MOB3B: variants seen among roughly 807,000 people sequenced by gnomAD.
MOB3B encodes MOB kinase activator-like 2B.
Under a neutral mutation model 18.7 loss-of-function variants are expected in MOB3B, and 7 were observed. The ratio of observed to expected loss-of-function variants is 0.37; its 90% CI spans 0.21 to 0.70. The LOEUF (loss-of-function observed/expected upper bound fraction) is 0.70. MOB3B is among the 30% of genes least tolerant of loss of function. MOB3B has a pLI of 0.52. For synonymous variants in MOB3B, 111 were observed against 99.9 expected (o/e 1.11, Z -0.66); for missense variants, 253 against 281.3 (o/e 0.90, Z 0.72).
At chr9:27,504,025 ACCT>A (rs1820024817) in intron 1 of MOB3B, among the ~76,000 whole-genome samples, 1 of 152,152 alleles carries the variant, frequency 6.6e-6, no homozygotes, top group Admixed American at 6.5e-5. Context: ...TCCCTAATGA[ACCT>A]CCTACTTGCA....
chr9:27,440,438 T>C (rs1822575857), intron 2 of MOB3B, among the ~76,000 whole-genome samples: 1 of 152,110 alleles, frequency 6.6e-6, no homozygotes, highest in Non-Finnish European at 1.5e-5. Flanking sequence ...TGGCTGATGT[T>C]TGGTACTCTA....
intron 2 of MOB3B, 75 bp from the exon 3 acceptor site, chr9:27,359,311 A>G: frequency 7.9e-7 from 1 of 1,266,596 alleles, no homozygotes; most frequent in Non-Finnish European, 1.1e-6. Flanking sequence ...TAATATGAAA[A>G]CTGTCTGAGG....
At chr9:27,461,976 A>T (rs10812600) in intron 1 of MOB3B, among the ~76,000 whole-genome samples, 91,427 of 152,024 alleles carry the variant, frequency 0.6, 27,795 homozygotes, top group Middle Eastern at 0.65. Flanking sequence ...CAGAGTTTTA[A>T]AAAATGTTTT....
chr9:27,347,761 T>C (rs1372989453), intron 3 of MOB3B, among the ~76,000 whole-genome samples: 1 of 152,242 alleles, frequency 6.6e-6, no homozygotes, highest in African/African-American at 2.4e-5. Flanking sequence ...TACTGTACTG[T>C]TTCTACATTT....
Position 27,330,472 on chromosome 9 carries a change from C to A in MOB3B, c.*115G>T, listed in dbSNP as rs536030982. The A allele has an allele frequency of 7.9e-6, 11 of 1,394,614 alleles. No individual in the cohort carries two copies. In the South Asian group the frequency reaches 1.2e-4, roughly 15 times the overall value. 86.4% of individuals were successfully genotyped at this position (1,394,614 alleles called of 1,614,324 possible). A position where few individuals can be genotyped will look rare whatever the true frequency, so the allele number is the denominator to read the frequency against. On this transcript the variant is annotated 3_prime_UTR_variant, in exon 4 of 4. Coordinates refer to ENST00000262244, the MANE Select transcript of MOB3B (RefSeq NM_024761.5). The stretch of plus-strand genomic sequence containing the variant: ...TCTCAGGAGTCACTGCTTGCCTCCA[C>A]CTCTGCTGTTCCTGGGAGTAGGTGT...
chr9:27,520,529 C>T (rs1033815154), intron 1 of MOB3B, among the ~76,000 whole-genome samples: 5 of 152,156 alleles, frequency 3.3e-5, no homozygotes, highest in African/African-American at 1.2e-4. Flanking sequence ...ATACCTCTGG[C>T]TTTACAGAAC....
chr9:27,391,853 A>G (rs1214995266), intron 2 of MOB3B: 1 of 152,250 alleles, frequency 6.6e-6, no homozygotes, highest in Non-Finnish European at 1.5e-5. Context: ...TTTTGAGAGG[A>G]AGTGCTTAAA....
chr9:27,454,335 A>G lies in MOB3B; in HGVS notation c.418+798T>C, dbSNP rs1441098509. Among the ~76,000 whole-genome samples the G allele has an allele frequency of 2.0e-5, 3 of 152,344 alleles. No homozygotes were observed. In the East Asian group the frequency reaches 5.8e-4, roughly 29 times the overall value. ...TTCCACAAATATTTCCTGAGTGTCTACAAGGTGGCAGGGCATTATGTTAGG... is the reference window on the plus strand; with the variant it reads ...TTCCACAAATATTTCCTGAGTGTCTGCAAGGTGGCAGGGCATTATGTTAGG... On this transcript the variant is annotated intron_variant, in intron 2 of 3. Coordinates refer to ENST00000262244, the MANE Select transcript of MOB3B (RefSeq NM_024761.5).
chr9:27,474,570 G>T (rs1036518234), intron 1 of MOB3B, among the ~76,000 whole-genome samples: 12 of 152,176 alleles, frequency 7.9e-5, no homozygotes, highest in African/African-American at 2.9e-4. Flanking sequence ...TGTGCCTGCT[G>T]ATTAGAACCT....
At chr9:27,363,091 C>T (rs942257644) in intron 2 of MOB3B, among the ~76,000 whole-genome samples, 1 of 152,150 alleles carries the variant, frequency 6.6e-6, no homozygotes, top group Non-Finnish European at 1.5e-5. Context: ...TTCATGAAAA[C>T]TGATTGATTT....
chr9:27,423,759 A>C (rs561242123), intron 2 of MOB3B, among the ~76,000 whole-genome samples: 1 of 152,328 alleles, frequency 6.6e-6, no homozygotes, highest in East Asian at 1.9e-4. Context: ...CAGAACATAC[A>C]TATTTGTTTA....
intron 2 of MOB3B, among the ~76,000 whole-genome samples, chr9:27,403,516 A>ATTTTTTTTTTT (rs74178385): frequency 2.6e-4 from 21 of 79,624 alleles, no homozygotes; most frequent in Non-Finnish European, 4.0e-4. Flanking sequence ...CTCTTTACTA[A>ATTTTTTTTTTT]TTTTTTTTTT....
At chr9:27,366,501 G>C (rs1472596194) in intron 2 of MOB3B, among the ~76,000 whole-genome samples, 1 of 151,936 alleles carries the variant, frequency 6.6e-6, no homozygotes, top group Non-Finnish European at 1.5e-5. Context: ...TGCCTAAATG[G>C]CTTGTGTTAC....
rs79298827 is a variant in MOB3B, at chr9:27,528,914, C to T, written c.-199+641G>A. On this transcript the variant is annotated intron_variant, in intron 1 of 3. Transcript: ENST00000262244. Reference sequence around the variant, plus strand: ...ACTTGAAGGGTTTTCACCTTCTTCCCCAGTTCAGGGAAAGGGAGGGGCTGG... The same window carrying T: ...ACTTGAAGGGTTTTCACCTTCTTCCTCAGTTCAGGGAAAGGGAGGGGCTGG... Among the ~76,000 whole-genome samples, 542 of 152,264 alleles carry T rather than the reference C, an allele frequency of 3.6e-3. 5 individuals carry two copies. The highest frequency in any genetic ancestry group is 0.012 in the African/African-American group (517 of 41,548).
rs1822852924 is a variant in MOB3B at position 27,455,286 on chromosome 9, C to T, written c.265G>A (p.Val89Met). ...TCATATTTGGGGCCCCCTGACATCACAGGACAGGTCCGCTCGGTGCAGAAC... is the reference window on the plus strand; with the variant it reads ...TCATATTTGGGGCCCCCTGACATCATAGGACAGGTCCGCTCGGTGCAGAAC... The part of the protein sequence containing the change: ...CEFCTERTCP[V>M]MSGGPKYEYR... Residue 89 changes from valine (V) to methionine (M), a missense_variant, in exon 2 of 4, where the codon GTG becomes ATG. Val to Met is a conservative substitution (Grantham distance 21). Transcript: ENST00000262244. 1 of 1,613,994 alleles carries T rather than the reference C, an allele frequency of 6.2e-7. No individual in the cohort carries two copies. Among genetic ancestry groups the T allele is most frequent in the Non-Finnish European group, 8.5e-7 (1 of 1,180,012 alleles).
chr9:27,497,581 T>A (rs1819920737), intron 1 of MOB3B, among the ~76,000 whole-genome samples: 3 of 151,990 alleles, frequency 2.0e-5, no homozygotes, highest in Admixed American at 2.0e-4. Flanking sequence ...TTCAGGTGAT[T>A]TTAATTTCTT....
chr9:27,360,368 T>C (rs930314502), intron 2 of MOB3B, among the ~76,000 whole-genome samples: 4 of 152,128 alleles, frequency 2.6e-5, no homozygotes, highest in Non-Finnish European at 5.9e-5. Flanking sequence ...TAGCCGGGCA[T>C]GTGGCGTGCG....
intron 2 of MOB3B, among the ~76,000 whole-genome samples, chr9:27,372,422 C>T (rs552224763): frequency 6.6e-5 from 10 of 151,994 alleles, no homozygotes; most frequent in Non-Finnish European, 1.0e-4. Context: ...GTAAATACTC[C>T]CTGTTCAAGG....
At chr9:27,462,513 T>C (rs1164532874) in intron 1 of MOB3B, among the ~76,000 whole-genome samples, 2 of 152,212 alleles carry the variant, frequency 1.3e-5, no homozygotes, top group East Asian at 3.8e-4. Flanking sequence ...ACTCTGAACC[T>C]TGAACGGATA....
Sources: allele counts gnomAD v4.1 joint callset (sites outside exome capture counted in the v4.1 genomes callset), GRCh38; gene constraint gnomAD v4.1.1; transcripts MANE v1.5; gene names NCBI Gene and HGNC (gene_info 2026-07-23, HGNC 2026-07-21).